Variants in ASPH observed in about 807,000 individuals in gnomAD.
The protein encoded by ASPH is aspartyl/asparaginyl beta-hydroxylase.
Under a neutral mutation model 118.4 loss-of-function variants are expected in ASPH, and 100 were observed. The ratio of observed to expected loss-of-function variants is 0.84; its 90% CI spans 0.72 to 1.00. The LOEUF is 1.00. ASPH is among the 50% of genes least tolerant of loss of function. The pLI is 0.00. For missense variants in ASPH, 920 were observed against 919.5 expected, an observed-to-expected ratio of 1.00 and a Z score of -0.01; for synonymous variants, 315 against 325.6, an observed-to-expected ratio of 0.97 and a Z score of 0.35.
Position 61,590,846 on chromosome 8 carries a change from A to G in ASPH, c.977-6817T>C, listed in dbSNP as rs182661208. On this transcript the variant is annotated intron_variant, in intron 14 of 24. Transcript: ENST00000379454. ...CTTTCCTTTATTTCTACCAAAGAAT[A>G]TTCTATATTTTAACTTTTGAGACCT... 8.7e-4 allele frequency among the ~76,000 whole-genome samples: 133 copies of G among 152,170 alleles called. No individual in the cohort carries two copies. In the Middle Eastern group the frequency reaches 0.017, roughly 19 times the overall value.
At chr8:61,683,999 ACT>A (rs769331731) in intron 2 of ASPH, 38 bp downstream of exon 2, 1 of 1,591,508 alleles carries the variant, frequency 6.3e-7, no homozygotes, top group African/African-American at 1.3e-5. Context: ...GATGTCACTT[ACT>A]CTCTTACAAA....
At chr8:61,503,888 A>C (rs1350882708) in intron 24 of ASPH, among the ~76,000 whole-genome samples, 1 of 152,208 alleles carries the variant, frequency 6.6e-6, no homozygotes, top group East Asian at 1.9e-4. Context: ...GACACTTCCA[A>C]TCAATTGTCT....
Position 61,626,969 on chromosome 8 carries a change from T to C in ASPH, c.934+6714A>G, listed in dbSNP as rs565168165. On this transcript the variant is annotated intron_variant, in intron 13 of 24. Coordinates refer to ENST00000379454, the MANE Select transcript of ASPH (RefSeq NM_004318.4). ...AGGCCCTGCAAAATCTTGATATAAT[T>C]TTTAAAGCTGGATCCCAATATTTCC... 5.3e-5 allele frequency among the ~76,000 whole-genome samples: 8 copies of C among 152,262 alleles called. No individual in the cohort carries two copies. In the South Asian group the frequency reaches 1.7e-3, roughly 32 times the overall value.
intron 3 of ASPH, among the ~76,000 whole-genome samples, chr8:61,669,108 A>G (rs2151417586): frequency 6.6e-6 from 1 of 152,302 alleles, no homozygotes; most frequent in Non-Finnish European, 1.5e-5. Context: ...GGTGGCCTTT[A>G]GCCTGTCACT....
chr8:61,591,728 A>G (rs943869799), intron 14 of ASPH, among the ~76,000 whole-genome samples: 22 of 152,106 alleles, frequency 1.4e-4, no homozygotes, highest in African/African-American at 4.3e-4. Context: ...AAGCTGCACA[A>G]ACTGTAAACA....
intron 13 of ASPH, among the ~76,000 whole-genome samples, chr8:61,627,797 T>C (rs1853599596): frequency 6.6e-6 from 1 of 152,194 alleles, no homozygotes; most frequent in African/African-American, 2.4e-5. Flanking sequence ...GTGGTTATGG[T>C]GCAAATCCCA....
chr8:61,534,426 C>A (rs1311101471), intron 21 of ASPH, among the ~76,000 whole-genome samples: 1 of 152,080 alleles, frequency 6.6e-6, no homozygotes, highest in Non-Finnish European at 1.5e-5. Flanking sequence ...TTTAAGAGAT[C>A]ATCAAACTCA....
rs114438842 is a variant in ASPH at position 61,706,329 on chromosome 8, C to T, written c.103+7940G>A. On this transcript the variant is annotated intron_variant, in intron 1 of 24. Transcript: ENST00000379454. Reference sequence around the variant, plus strand: ...TCCCAGCTACCAGGGAGGCTGAGGTCGGAGGATCACCGGAGCCTGGGAAGT... The same window carrying T: ...TCCCAGCTACCAGGGAGGCTGAGGTTGGAGGATCACCGGAGCCTGGGAAGT... 6.9e-3 allele frequency among the ~76,000 whole-genome samples: 934 copies of T among 135,124 alleles called. 11 individuals carry two copies. Among genetic ancestry groups the T allele is most frequent in the African/African-American group, 0.024 (877 of 36,398 alleles). The allele number at this position is 135,124 out of a possible 152,430, so 88.6% of individuals were successfully genotyped here. A position where few individuals can be genotyped will look rare whatever the true frequency, so the allele number is the denominator to read the frequency against.
At chr8:61,511,209 T>C (rs1297338425) in intron 24 of ASPH, among the ~76,000 whole-genome samples, 2 of 152,214 alleles carry the variant, frequency 1.3e-5, no homozygotes, top group South Asian at 4.1e-4. Context: ...TTGAGGTCTA[T>C]GGAGGAAGGC....
intron 1 of ASPH, among the ~76,000 whole-genome samples, chr8:61,706,472 A>G (rs112980737): frequency 3.5e-5 from 5 of 144,046 alleles, no homozygotes; most frequent in African/African-American, 1.4e-4. Context: ...AAGAGGAAGA[A>G]GAAGAAGAAA....
At chr8:61,656,101 T>C (rs1813526665) in intron 3 of ASPH, 1 of 152,172 alleles carries the variant, frequency 6.6e-6, no homozygotes, top group African/African-American at 2.4e-5. Context: ...GAAAAGTAAA[T>C]GCATATAAGC....
chr8:61,677,771 T>C (rs1468775823), intron 3 of ASPH, among the ~76,000 whole-genome samples: 1 of 152,186 alleles, frequency 6.6e-6, no homozygotes, highest in African/African-American at 2.4e-5. Context: ...TAAAACACTA[T>C]AGCTGCATAT....
At chr8:61,606,578 A>T (rs909707564) in intron 14 of ASPH, 1 of 152,208 alleles carries the variant, frequency 6.6e-6, no homozygotes, top group Non-Finnish European at 1.5e-5. Flanking sequence ...TAATATATAC[A>T]TATAATCATA....
chr8:61,669,789 G>T (rs973919364), intron 3 of ASPH, among the ~76,000 whole-genome samples: 11 of 152,084 alleles, frequency 7.2e-5, no homozygotes, highest in African/African-American at 2.7e-4. Context: ...AACCCAGACT[G>T]CCCTCTCCCT....
At chr8:61,683,153 A>G (rs1357246490) in intron 2 of ASPH, among the ~76,000 whole-genome samples, 2 of 152,170 alleles carry the variant, frequency 1.3e-5, no homozygotes, top group Non-Finnish European at 2.9e-5. Context: ...AGACACAGAA[A>G]GTAGATTAGT....
At chr8:61,509,938 C>T (rs894167057) in intron 24 of ASPH, among the ~76,000 whole-genome samples, 27 of 152,096 alleles carry the variant, frequency 1.8e-4, no homozygotes, top group African/African-American at 6.5e-4. Flanking sequence ...TCCTATTTCA[C>T]TCCTCCTTCC....
At chr8:61,529,420 G>A (rs1275638814) in intron 21 of ASPH, among the ~76,000 whole-genome samples, 1 of 152,136 alleles carries the variant, frequency 6.6e-6, no homozygotes, top group African/African-American at 2.4e-5. Context: ...AACATCTTTG[G>A]CAAATGGGGA....
rs117560302 is a variant in ASPH at position 61,655,500 on chromosome 8, C to T, written c.323-1840G>A. On this transcript the variant is annotated intron_variant, in intron 3 of 24. Coordinates refer to ENST00000379454, the MANE Select transcript of ASPH (RefSeq NM_004318.4). ...TTTAGCAGGCTCTCAAACTGTGTTC[C>T]GTGTGTTATACAAGCAATGAAATGT... 6.9e-3 allele frequency among the ~76,000 whole-genome samples: 1,057 copies of T among 152,220 alleles called. 11 individuals carry two copies. The highest frequency in any genetic ancestry group is 0.011 in the Non-Finnish European group (762 of 68,010).
chr8:61,686,037 G>A (rs566932881), intron 1 of ASPH, among the ~76,000 whole-genome samples: 12 of 152,046 alleles, frequency 7.9e-5, no homozygotes, highest in Non-Finnish European at 1.3e-4. Flanking sequence ...TCAAAGTGCT[G>A]GGTAATTCTT....
Sources: gnomAD v4.1 joint callset for allele counts (sites outside exome capture counted in the v4.1 genomes callset) on GRCh38, gnomAD v4.1.1 for gene constraint, MANE v1.5 for transcripts, NCBI Gene and HGNC (gene_info 2026-07-23, HGNC 2026-07-21) for gene names.